The following CACNA1I variants were observed in gnomAD, a reference collection of about 807,000 sequenced individuals.
The protein encoded by CACNA1I is voltage-dependent T-type calcium channel subunit alpha-1I.
A neutral mutation model predicts 201.6 loss-of-function variants in CACNA1I; 74 were observed. The observed-to-expected ratio is 0.37, with a 90% CI of 0.30 to 0.45. The LOEUF (loss-of-function observed/expected upper bound fraction) is 0.45. Ranked by LOEUF, CACNA1I falls within the 20% of genes least tolerant of loss-of-function variation. The pLI, the probability that CACNA1I is intolerant of heterozygous loss-of-function variation, is 1.00. For synonymous variants in CACNA1I, 1,431 were observed against 1,345.2 expected (o/e 1.06, Z -1.40); for missense variants, 2,346 against 3,138.1 (o/e 0.75, Z 6.03).
At chr22:39,668,031 A>G (rs145726578) in intron 23 of CACNA1I, among the ~76,000 whole-genome samples, 96 of 152,308 alleles carry the variant, frequency 6.3e-4, no homozygotes, top group African/African-American at 2.2e-3. Flanking sequence ...ACAGCTGGAT[A>G]ATTTCAGAGC....
intron 2 of CACNA1I, 149 bp downstream of exon 2, chr22:39,598,411 G>T: frequency 1.6e-6 from 1 of 615,738 alleles, no homozygotes; most frequent in Non-Finnish European, 2.9e-6. Context: ...CCCATCCTGC[G>T]CTGCACTACC....
chr22:39,647,234 C>G lies in CACNA1I; in HGVS notation c.1462+353C>G, dbSNP rs756090107. Among the ~76,000 whole-genome samples the G allele has an allele frequency of 5.9e-4, 90 of 152,218 alleles. 1 individual carries two copies. The highest frequency in any genetic ancestry group is 3.3e-4 in the Admixed American group (5 of 15,286). ...CTCGGAAAGCTAAAATTCTTCCCCC[C>G]CACTGCAGCCACATCACTCCCTTCT... On this transcript the variant is annotated intron_variant, in intron 8 of 36. Transcript: ENST00000402142.
intron 7 of CACNA1I, among the ~76,000 whole-genome samples, chr22:39,644,678 TTC>T (rs1445029129): frequency 1.3e-5 from 2 of 152,040 alleles, no homozygotes; most frequent in African/African-American, 4.8e-5. Context: ...TCTTTAAATT[TTC>T]TTTCTTTTTT....
At chr22:39,599,953 G>A (rs1255414527) in intron 2 of CACNA1I, among the ~76,000 whole-genome samples, 1 of 152,220 alleles carries the variant, frequency 6.6e-6, no homozygotes, top group Non-Finnish European at 1.5e-5. Flanking sequence ...GCAGAGAAAG[G>A]CAACACTGAG....
In CACNA1I at chr22:39,673,094, G is replaced by A. The variant is rs373243412; in HGVS notation, c.4783+12G>A. On this transcript the variant is annotated intron_variant, in intron 28 of 36. Coordinates refer to ENST00000402142, the MANE Select transcript of CACNA1I (RefSeq NM_021096.4). ...GCGCATTGCCCGAGGTGAGGGGCAA[G>A]GGGTGGGACAGGGAACGGGGACAAG... 1 of 1,611,322 alleles carries A rather than the reference G, an allele frequency of 6.2e-7. No individual in the cohort carries two copies.
At chr22:39,662,626 CTCCTG>C in intron 17 of CACNA1I, 145 bp from the exon 18 acceptor site, 2 of 705,696 alleles carry the variant, frequency 2.8e-6, no homozygotes, top group South Asian at 3.5e-5. Context: ...GCTGGGCCGG[CTCCTG>C]GGAGAGAAGC....
At chr22:39,609,266 A>G (rs960541302) in intron 3 of CACNA1I, among the ~76,000 whole-genome samples, 8 of 152,268 alleles carry the variant, frequency 5.3e-5, no homozygotes, top group African/African-American at 1.9e-4. Context: ...CAGGAGTTGA[A>G]CCCAGGGAGC....
chr22:39,665,677 A>G lies in CACNA1I; in HGVS notation c.3978+53A>G. The G allele has an allele frequency of 6.3e-7, 1 of 1,597,592 alleles. No homozygotes were observed. The highest frequency in any genetic ancestry group is 1.1e-5 in the South Asian group (1 of 89,970). On this transcript the variant is annotated intron_variant, in intron 22 of 36. Transcript: ENST00000402142. The surrounding 1 kb of genome is among the most constrained non-coding windows in gnomAD (Gnocchi z 5.5). Reference sequence around the variant, plus strand: ...CTGGGCTCTGTGACTGGGGAAAAGGAAGTCTCAGACAGCCAGGGGAGAGAC... The same window carrying G: ...CTGGGCTCTGTGACTGGGGAAAAGGGAGTCTCAGACAGCCAGGGGAGAGAC...
chr22:39,573,005 C>T (rs1206338515), intron 1 of CACNA1I, among the ~76,000 whole-genome samples: 2 of 152,120 alleles, frequency 1.3e-5, no homozygotes, highest in African/African-American at 4.8e-5. Context: ...CCGCCTGCCT[C>T]GGCCTCCCAA....
Position 39,666,212 on chromosome 22 carries a change from T to C in CACNA1I, c.4104+206T>C, listed in dbSNP as rs1297306057. Among the ~76,000 whole-genome samples the C allele has an allele frequency of 2.6e-5, 4 of 151,962 alleles. No individual in the cohort carries two copies. The highest frequency in any genetic ancestry group is 5.9e-5 in the Non-Finnish European group (4 of 67,978). ...AGGCTTAGAGAGTCTGTGTGCAGAGTGCCCAGCAAATGCCTGCACTTAGTA... is the reference window on the plus strand; with the variant it reads ...AGGCTTAGAGAGTCTGTGTGCAGAGCGCCCAGCAAATGCCTGCACTTAGTA... On this transcript the variant is annotated intron_variant, in intron 23 of 36. Coordinates refer to ENST00000402142, the MANE Select transcript of CACNA1I (RefSeq NM_021096.4). The surrounding 1 kb of genome is among the most constrained non-coding windows in gnomAD (Gnocchi z 4.1).
In CACNA1I at chr22:39,661,226, G is replaced by A. The variant is rs745375610; in HGVS notation, c.2817G>A (p.Gln939=). The A allele has an allele frequency of 6.2e-7, 1 of 1,612,138 alleles. No individual in the cohort carries two copies. Among genetic ancestry groups the A allele is most frequent in the Admixed American group, 1.7e-5 (1 of 59,874 alleles). ...GACCTGCCCCCCGACTCTCACTGCA[G>A]CCGGACCCCATGCTGGTGGCCCTGG... is the stretch of plus-strand genomic sequence containing the variant. ...AAGPAPRLSL[Q]PDPMLVALGS... Residue 939 remains glutamine (Q), a synonymous_variant, in exon 16 of 37, where the codon CAG becomes CAA. Coordinates refer to ENST00000402142, the MANE Select transcript of CACNA1I (RefSeq NM_021096.4).
Position 39,672,297 on chromosome 22 carries a change from C to T in CACNA1I, c.4638C>T (p.Phe1546=). 6.2e-7 allele frequency: 1 copy of T among 1,611,044 alleles called. No homozygotes were observed. The highest frequency in any genetic ancestry group is 1.1e-5 in the South Asian group (1 of 91,010). Residue 1546 remains phenylalanine, a synonymous_variant, in exon 27 of 37, where the codon TTC becomes TTT. Coordinates refer to ENST00000402142, the MANE Select transcript of CACNA1I (RefSeq NM_021096.4). The stretch of plus-strand genomic sequence containing the variant: ...TGGTGGCATTTGGTCTGAGGCGCTT[C>T]TTCAAGGACCGGTGAGTGGCCAGGC... ...LKLVAFGLRR[F]FKDRWNQLDL...
Position 39,649,661 on chromosome 22 carries a change from C to T in CACNA1I, c.1728C>T (p.Gly576=). ...GCAGCACCGACTCGGGCCAGGAGGG[C>T]TCGGGCTCCGGGAGCTCCGCTGGTG... ...GLGSTDSGQE[G]SGSGSSAGGE... The change falls in exon 10 of 37, where the codon GGC becomes GGT. Residue 576 remains glycine, a synonymous_variant. Coordinates refer to ENST00000402142, the MANE Select transcript of CACNA1I (RefSeq NM_021096.4). This position sits in a 1 kb window ranked among gnomAD's most constrained non-coding sequence, Gnocchi z 7.3. 1.3e-6 allele frequency: 2 copies of T among 1,516,482 alleles called. No homozygotes were observed. The highest frequency in any genetic ancestry group is 1.8e-6 in the Non-Finnish European group (2 of 1,129,126). 93.9% of individuals were successfully genotyped at this position (1,516,482 alleles called of 1,614,324 possible).
At chr22:39,675,035 G>A (rs1250378892) in intron 29 of CACNA1I, among the ~76,000 whole-genome samples, 1 of 152,198 alleles carries the variant, frequency 6.6e-6, no homozygotes, top group Non-Finnish European at 1.5e-5. Context: ...CCCTTCAGGG[G>A]ACTTTGTCCC....
At chr22:39,616,686 C>A (rs1933546061) in intron 3 of CACNA1I, among the ~76,000 whole-genome samples, 1 of 151,058 alleles carries the variant, frequency 6.6e-6, no homozygotes, top group Admixed American at 6.6e-5. Context: ...ATCGCTTGAA[C>A]CCGGGAGGCG....
At chr22:39,678,448 C>T (rs1295001877) in intron 31 of CACNA1I, among the ~76,000 whole-genome samples, 1 of 152,206 alleles carries the variant, frequency 6.6e-6, no homozygotes, top group Non-Finnish European at 1.5e-5. Context: ...CTGACCAGGT[C>T]ACCCGGCAGA....
Position 39,682,556 on chromosome 22 carries a change from T to C in CACNA1I, c.5725T>C (p.Leu1909=), listed in dbSNP as rs751574688. The change falls in exon 35 of 37, where the codon TTG becomes CTG. Residue 1909 remains leucine, a synonymous_variant. Coordinates refer to ENST00000402142, the MANE Select transcript of CACNA1I (RefSeq NM_021096.4). ...AGACCTGGGCGAATGCTTCTTCCCC[T>C]TGTCCTCTACGGCCGTCTCGCCGGA... ...VGDLGECFFP[L]SSTAVSPDPE... The C allele has an allele frequency of 1.2e-6, 2 of 1,613,648 alleles. No individual in the cohort carries two copies. Among genetic ancestry groups the C allele is most frequent in the Admixed American group, 3.3e-5 (2 of 60,000 alleles).
At position 39,664,119 on chromosome 22, in the gene CACNA1I, A is replaced by G. The variant is rs1792288412; in HGVS notation, c.3626A>G (p.Tyr1209Cys). The G allele has an allele frequency of 1.2e-6, 2 of 1,613,636 alleles. No individual in the cohort carries two copies. The highest frequency in any genetic ancestry group is 1.7e-6 in the Non-Finnish European group (2 of 1,179,720). ...TERIFLTVSN[Y>C]IFTAIFVGEM... Reference sequence around the variant, plus strand: ...CGCATCTTTCTCACCGTGTCCAACTACATCTTCACGGCCATCTTCGTGGGC... The same window carrying G: ...CGCATCTTTCTCACCGTGTCCAACTGCATCTTCACGGCCATCTTCGTGGGC... The change falls in exon 20 of 37, where the codon TAC becomes TGC. Residue 1209 changes from tyrosine (Y) to cysteine (C), a missense_variant. Tyr to Cys is a radical substitution (Grantham distance 194). Transcript: ENST00000402142.
intron 7 of CACNA1I, chr22:39,643,548 T>C (rs136822): frequency 0.89 from 135,119 of 152,560 alleles, 60,204 homozygotes; most frequent in East Asian, 1. Flanking sequence ...AGGTGATTCA[T>C]TCCCAGGAGT....
Sources: gnomAD v4.1 joint callset for allele counts (sites outside exome capture counted in the v4.1 genomes callset) on GRCh38, gnomAD v4.1.1 for gene constraint, Gnocchi (gnomAD v3.1) non-coding constraint, MANE v1.5 for transcripts, NCBI Gene and HGNC (gene_info 2026-07-23, HGNC 2026-07-21) for gene names.